ZNF420: variants seen among roughly 807,000 people sequenced by gnomAD.
The protein encoded by ZNF420 is zinc finger protein 420.
ZNF420 carries 31 observed loss-of-function variants against 44.7 expected under a neutral mutation model. That is an observed-to-expected ratio of 0.69 (90% CI 0.52 to 0.94). The LOEUF (loss-of-function observed/expected upper bound fraction) is 0.94. Ranked by LOEUF, ZNF420 falls within the 40% of genes least tolerant of loss-of-function variation. The pLI, the probability that ZNF420 is intolerant of heterozygous loss-of-function variation, is 0.00. For synonymous variants in ZNF420, 245 were observed against 267.4 expected (o/e 0.92, Z 0.82); for missense variants, 681 against 827.9 (o/e 0.82, Z 2.18).
At chr19:37,062,920 A>T (rs1246122686) in intron 1 of ZNF420, among the ~76,000 whole-genome samples, 2 of 152,194 alleles carry the variant, frequency 1.3e-5, no homozygotes, top group Non-Finnish European at 2.9e-5. Flanking sequence ...AATAATCTTA[A>T]AGTCTATCAA....
intron 1 of ZNF420, among the ~76,000 whole-genome samples, chr19:37,016,762 C>T (rs1022884714): frequency 3.3e-5 from 5 of 152,176 alleles, no homozygotes; most frequent in Admixed American, 6.5e-5. Context: ...GTTTGCATGA[C>T]GCTACTGGGA....
chr19:37,013,453 C>T (rs977094180), intron 1 of ZNF420, among the ~76,000 whole-genome samples: 6 of 152,168 alleles, frequency 3.9e-5, no homozygotes, highest in Non-Finnish European at 5.9e-5. Context: ...TTTTGCCTGA[C>T]CTCTCAACGT....
At chr19:37,095,086 G>A (rs1148394) in intron 4 of ZNF420, among the ~76,000 whole-genome samples, 22 of 148,846 alleles carry the variant, frequency 1.5e-4, no homozygotes, top group Admixed American at 5.4e-4. Flanking sequence ...AGCTAAGATC[G>A]CGCCACAGCA....
chr19:37,019,359 T>TA (rs1156704502), intron 1 of ZNF420, among the ~76,000 whole-genome samples: 1 of 152,144 alleles, frequency 6.6e-6, no homozygotes, highest in Non-Finnish European at 1.5e-5. Context: ...AGGCTGCCGT[T>TA]AAAAAACAGA....
intron 1 of ZNF420, among the ~76,000 whole-genome samples, chr19:37,057,560 T>C (rs1475166788): frequency 1.3e-5 from 2 of 152,104 alleles, no homozygotes; most frequent in East Asian, 3.9e-4. Context: ...ATGTGCCCTG[T>C]GCGCCAAAAA....
intron 4 of ZNF420, among the ~76,000 whole-genome samples, chr19:37,093,395 G>C (rs566399943): frequency 2.0e-5 from 3 of 152,168 alleles, no homozygotes; most frequent in South Asian, 4.2e-4. Flanking sequence ...GCTAATTTTT[G>C]TATTTTTAGT....
intron 4 of ZNF420, among the ~76,000 whole-genome samples, chr19:37,108,860 T>C (rs1342582641): frequency 6.6e-6 from 1 of 152,222 alleles, no homozygotes; most frequent in African/African-American, 2.4e-5. Flanking sequence ...AGGTGCCCAA[T>C]CTATAATAGT....
chr19:37,067,050 A>C (rs1967979145), intron 1 of ZNF420, among the ~76,000 whole-genome samples: 1 of 152,244 alleles, frequency 6.6e-6, no homozygotes, highest in Non-Finnish European at 1.5e-5. Context: ...CATACAAAAA[A>C]CACATATTTC....
chr19:37,112,733 G>T (rs1970447064), intron 4 of ZNF420, among the ~76,000 whole-genome samples: 1 of 152,132 alleles, frequency 6.6e-6, no homozygotes, highest in African/African-American at 2.4e-5. Context: ...CTGTCTCCTG[G>T]ACTGGCACTC....
At chr19:37,121,751 T>G (rs532462691) in intron 4 of ZNF420, among the ~76,000 whole-genome samples, 164 of 152,204 alleles carry the variant, frequency 1.1e-3, no homozygotes, top group African/African-American at 3.9e-3. Context: ...ATATCCAGAA[T>G]CTACAATGAA....
At chr19:37,049,130 G>T (rs1185898069) in intron 1 of ZNF420, among the ~76,000 whole-genome samples, 1 of 152,112 alleles carries the variant, frequency 6.6e-6, no homozygotes, top group South Asian at 2.1e-4. Flanking sequence ...TGGACATTTG[G>T]GTTGGTTCCA....
chr19:37,107,749 G>A (rs1356401491), intron 4 of ZNF420: 2 of 152,308 alleles, frequency 1.3e-5, no homozygotes, highest in African/African-American at 4.8e-5. Flanking sequence ...TACAATAGTA[G>A]AACTTCCGAT....
intron 1 of ZNF420, among the ~76,000 whole-genome samples, chr19:37,054,136 A>T (rs567584191): frequency 7.9e-5 from 12 of 152,324 alleles, no homozygotes; most frequent in African/African-American, 2.9e-4. Context: ...GCAAGGCTCC[A>T]TGGGCATAGG....
intron 1 of ZNF420, among the ~76,000 whole-genome samples, chr19:37,013,055 G>C (rs945457725): frequency 6.6e-6 from 1 of 152,022 alleles, no homozygotes; most frequent in African/African-American, 2.4e-5. Context: ...GCAACATGGG[G>C]AGCATCGTGG....
chr19:37,071,497 TTAG>T (rs1268605498), intron 1 of ZNF420, among the ~76,000 whole-genome samples: 3 of 152,074 alleles, frequency 2.0e-5, no homozygotes, highest in African/African-American at 7.2e-5. Flanking sequence ...GTCTTCAAAG[TTAG>T]TAGTTAATAT....
intron 1 of ZNF420, among the ~76,000 whole-genome samples, chr19:37,047,237 T>C (rs555455544): frequency 1.3e-5 from 2 of 152,350 alleles, no homozygotes; most frequent in South Asian, 4.1e-4. Context: ...ACCAATGTCA[T>C]AGTATTAGGA....
chr19:37,104,094 T>TA (rs1475582405), intron 4 of ZNF420, among the ~76,000 whole-genome samples: 1 of 152,038 alleles, frequency 6.6e-6, no homozygotes, highest in Non-Finnish European at 1.5e-5. Context: ...ACTCGTCATT[T>TA]ACATTAGGTA....
intron 4 of ZNF420, among the ~76,000 whole-genome samples, chr19:37,092,828 A>G (rs999410184): frequency 6.6e-6 from 1 of 152,206 alleles, no homozygotes; most frequent in Non-Finnish European, 1.5e-5. Context: ...GAAGTGCACT[A>G]TATCTTGATA....
At chr19:37,014,930 A>C (rs907324034) in intron 1 of ZNF420, among the ~76,000 whole-genome samples, 1 of 152,220 alleles carries the variant, frequency 6.6e-6, no homozygotes, top group Non-Finnish European at 1.5e-5. Flanking sequence ...AGGATCCCTA[A>C]GGATCCCTAT....
Sources: gnomAD v4.1 joint callset for allele counts (sites outside exome capture counted in the v4.1 genomes callset) on GRCh38, gnomAD v4.1.1 for gene constraint, MANE v1.5 for transcripts, NCBI Gene and HGNC (gene_info 2026-07-23, HGNC 2026-07-21) for gene names.